The following EPHB3 variants were observed in gnomAD, a reference collection of about 807,000 sequenced individuals.
The protein encoded by EPHB3 is EPH receptor B3.
A neutral mutation model predicts 100.2 loss-of-function variants in EPHB3; 33 were observed. That is an observed-to-expected ratio of 0.33 (90% CI 0.25 to 0.44). The LOEUF (loss-of-function observed/expected upper bound fraction) is 0.44. EPHB3 is among the 20% of genes least tolerant of loss of function. The pLI is 1.00. For synonymous variants in EPHB3, 526 were observed against 554.7 expected (o/e 0.95, Z 0.73); for missense variants, 1,045 against 1,378.3 (o/e 0.76, Z 3.83).
Position 184,580,868 on chromosome 3 carries a change from G to A in EPHB3, c.2528G>A (p.Ser843Asn). ...GGAGAGCGACCCTACTGGGACATGA[G>A]CAACCAGGATGTGAGTGAGGCTACG... Reference protein sequence around the residue: ...SYGERPYWDMSNQDVINAVEQ... With the variant: ...SYGERPYWDMNNQDVINAVEQ... The change falls in exon 13 of 16, where the codon AGC becomes AAC. Residue 843 changes from serine (S) to asparagine (N), a missense_variant. By Grantham distance (46) the Ser-to-Asn change is conservative. Around this residue, in one of 2 missense-constraint regions of EPHB3, gnomAD observed 985 missense variants for 1,331.1 expected, o/e 0.74. Coordinates refer to ENST00000330394, the MANE Select transcript of EPHB3 (RefSeq NM_004443.4). The A allele has an allele frequency of 1.2e-6, 2 of 1,613,964 alleles. No homozygotes were observed. Among genetic ancestry groups the A allele is most frequent in the Admixed American group, 1.7e-5 (1 of 60,030 alleles).
chr3:184,567,982 C>T (rs1714435540), intron 1 of EPHB3, among the ~76,000 whole-genome samples: 1 of 152,170 alleles, frequency 6.6e-6, no homozygotes, highest in Admixed American at 6.5e-5. Flanking sequence ...CAGACCATGG[C>T]TCTGTGTGAA....
At chr3:184,574,720 C>T (rs1714630730) in intron 3 of EPHB3, among the ~76,000 whole-genome samples, 1 of 152,176 alleles carries the variant, frequency 6.6e-6, no homozygotes, top group Non-Finnish European at 1.5e-5. Context: ...ATTTCCTCTT[C>T]CTAAGTGGAG....
rs199964100 is a variant in EPHB3, at chr3:184,580,684, G to T, written c.2389-45G>T. The T allele has an allele frequency of 2.2e-5, 35 of 1,609,594 alleles. No individual in the cohort carries two copies. The Middle Eastern group carries it at 6.6e-4, about 30-fold the overall frequency. On this transcript the variant is annotated intron_variant, in intron 12 of 15. Coordinates refer to ENST00000330394, the MANE Select transcript of EPHB3 (RefSeq NM_004443.4). Reference sequence around the variant, plus strand: ...TCAGCCAGGGGCTCGGGCCTGGGGGGCAGCCCGGAGTCACAGGGTGAAGGG... The same window carrying T: ...TCAGCCAGGGGCTCGGGCCTGGGGGTCAGCCCGGAGTCACAGGGTGAAGGG...
In EPHB3 at chr3:184,578,143, C is replaced by T; in HGVS notation, c.1748+137C>T. ...TTAGCCCTCCTGGGGCCAGCCGTTG[C>T]TGGAGAAGCCCTCTCCCATCCCTGC... On this transcript the variant is annotated intron_variant, in intron 8 of 15. Transcript: ENST00000330394. The surrounding 1 kb of genome is among the most constrained non-coding windows in gnomAD (Gnocchi z 4.7). 4.1e-6 allele frequency: 4 copies of T among 984,546 alleles called. No homozygotes were observed. The highest frequency in any genetic ancestry group is 5.9e-6 in the Non-Finnish European group (4 of 680,292). 61.0% of individuals were successfully genotyped at this position (984,546 alleles called of 1,614,324 possible). A position where few individuals can be genotyped will look rare whatever the true frequency, so the allele number is the denominator to read the frequency against.
At position 184,569,118 on chromosome 3, in the gene EPHB3, G is replaced by C. The variant is rs1205102820; in HGVS notation, c.119-2200G>C. On this transcript the variant is annotated intron_variant, in intron 1 of 15. Transcript: ENST00000330394. This position sits in a 1 kb window ranked among gnomAD's most constrained non-coding sequence, Gnocchi z 5.4. ...AGATGGGTTTGGCACAGGCTGAGCA[G>C]AAGGAAGTGAGGGAGAGGGAGGAGG... 6.6e-6 allele frequency among the ~76,000 whole-genome samples: 1 copy of C among 152,210 alleles called. No individual in the cohort carries two copies. The highest frequency in any genetic ancestry group is 2.4e-5 in the African/African-American group (1 of 41,454).
Position 184,565,162 on chromosome 3 carries a change from C to T in EPHB3, c.118+2809C>T, listed in dbSNP as rs758485526. Among the ~76,000 whole-genome samples, 13 of 152,088 alleles carry T rather than the reference C, an allele frequency of 8.5e-5. No homozygotes were observed. Among genetic ancestry groups the T allele is most frequent in the Non-Finnish European group, 1.8e-4 (12 of 68,012 alleles). On this transcript the variant is annotated intron_variant, in intron 1 of 15. Transcript: ENST00000330394. The surrounding 1 kb of genome is among the most constrained non-coding windows in gnomAD (Gnocchi z 4.8). ...GGATGGAGCCTGGGTCCTTGCTTGT[C>T]CTCGTGGTTGAAAACATGCCCTCCC...
Position 184,579,932 on chromosome 3 carries a change from C to T in EPHB3, c.2170C>T (p.Arg724Trp), listed in dbSNP as rs371378866. Reference protein sequence around the residue: ...MENCALDSFLRLNDGQFTVIQ... With the variant: ...MENCALDSFLWLNDGQFTVIQ... Reference sequence around the variant, plus strand: ...AAACTGCGCCCTGGACTCCTTCCTCCGGGTAAGAGCCAGCCCCCAGGCCCT... The same window carrying T: ...AAACTGCGCCCTGGACTCCTTCCTCTGGGTAAGAGCCAGCCCCCAGGCCCT... The change falls in exon 11 of 16, where the codon CGG becomes TGG. Residue 724 changes from arginine to tryptophan, a missense_variant and splice_region_variant. Arg to Trp is a moderately radical substitution (Grantham distance 101). Coordinates refer to ENST00000330394, the MANE Select transcript of EPHB3 (RefSeq NM_004443.4). This position sits in a 1 kb window ranked among gnomAD's most constrained non-coding sequence, Gnocchi z 5.2. The T allele has an allele frequency of 2.4e-5, 39 of 1,612,518 alleles. No homozygotes were observed. The highest frequency in any genetic ancestry group is 5.0e-5 in the Admixed American group (3 of 59,928).
In EPHB3 at chr3:184,581,365, G is replaced by T; in HGVS notation, c.2845G>T (p.Ala949Ser). ...MGRYKESFVSAGFASFDLVAQ... is the reference protein window; with the variant it reads ...MGRYKESFVSSGFASFDLVAQ... Reference sequence around the variant, plus strand: ...GCGGTACAAGGAGAGCTTCGTCAGTGCGGGGTTTGCATCTTTTGACCTGGT... The same window carrying T: ...GCGGTACAAGGAGAGCTTCGTCAGTTCGGGGTTTGCATCTTTTGACCTGGT... The change falls in exon 15 of 16, where the codon GCG (alanine) becomes TCG (serine). Residue 949 changes from alanine (A) to serine (S), a missense_variant. Ala to Ser is a moderately conservative substitution (Grantham distance 99). Around this residue, in one of 2 missense-constraint regions of EPHB3, gnomAD observed 985 missense variants for 1,331.1 expected, o/e 0.74. Transcript: ENST00000330394. 2 of 1,605,104 alleles carry T rather than the reference G, an allele frequency of 1.2e-6. No individual in the cohort carries two copies. The highest frequency in any genetic ancestry group is 2.7e-5 in the African/African-American group (2 of 74,876).
Position 184,581,512 on chromosome 3 carries a change from A to C in EPHB3, c.2889-2A>C. ...CTGATCCTAATTTGGCTCCACCTGC[A>C]GAGACCTGCTCCGTATTGGGGTCAC... is the stretch of plus-strand genomic sequence containing the variant. On this transcript the variant is annotated splice_acceptor_variant, in intron 15 of 15. Coordinates refer to ENST00000330394, the MANE Select transcript of EPHB3 (RefSeq NM_004443.4). LOFTEE classifies it high-confidence loss of function. 6.2e-7 allele frequency: 1 copy of C among 1,612,664 alleles called. No individual in the cohort carries two copies. The highest frequency in any genetic ancestry group is 8.5e-7 in the Non-Finnish European group (1 of 1,179,298).
intron 1 of EPHB3, among the ~76,000 whole-genome samples, chr3:184,566,986 G>A (rs955612331): frequency 6.6e-6 from 1 of 152,136 alleles, no homozygotes; most frequent in African/African-American, 2.4e-5. Flanking sequence ...CACAGGCCAG[G>A]GTGCCCATGA....
Position 184,576,849 on chromosome 3 carries a change from A to G in EPHB3, c.1020A>G (p.Pro340=), listed in dbSNP as rs1301198206. 3.9e-6 allele frequency: 6 copies of G among 1,542,824 alleles called. No individual in the cohort carries two copies. The highest frequency in any genetic ancestry group is 1.4e-5 in the African/African-American group (1 of 73,260). The change falls in exon 5 of 16, where the codon CCA becomes CCG. Residue 340 remains proline (P), a synonymous_variant. Transcript: ENST00000330394. ...DSADSACTTV[P]SPPRGVISNV... Reference sequence around the variant, plus strand: ...CCTCCATATTCCTCACAGCCGTGCCATCTCCACCCCGAGGTGTGATCTCCA... The same window carrying G: ...CCTCCATATTCCTCACAGCCGTGCCGTCTCCACCCCGAGGTGTGATCTCCA...
At position 184,571,199 on chromosome 3, in the gene EPHB3, C is replaced by T; in HGVS notation, c.119-119C>T. ...AAACTCCTGACCTCAAGTGATCCAC[C>T]TGCCTCAGACTCCCAAAGTGCTGGG... On this transcript the variant is annotated intron_variant, in intron 1 of 15. Coordinates refer to ENST00000330394, the MANE Select transcript of EPHB3 (RefSeq NM_004443.4). This position sits in a 1 kb window ranked among gnomAD's most constrained non-coding sequence, Gnocchi z 5.0. 1.1e-6 allele frequency: 1 copy of T among 909,946 alleles called. No homozygotes were observed. The highest frequency in any genetic ancestry group is 1.8e-6 in the Non-Finnish European group (1 of 563,068). The allele number at this position is 909,946 out of a possible 1,614,324, so 56.4% of individuals were successfully genotyped here.
Position 184,572,387 on chromosome 3 carries a change from C to G in EPHB3, c.184-117C>G. The stretch of plus-strand genomic sequence containing the variant: ...TTTGAGCCCATATAGCCTGTATGCT[C>G]AGCCACTGCACACCATAGAAGCATC... On this transcript the variant is annotated intron_variant, in intron 2 of 15. Transcript: ENST00000330394. The surrounding 1 kb of genome is among the most constrained non-coding windows in gnomAD (Gnocchi z 6.6). The G allele has an allele frequency of 1.7e-6, 2 of 1,186,010 alleles. No homozygotes were observed. The highest frequency in any genetic ancestry group is 2.2e-6 in the Non-Finnish European group (2 of 899,388). 73.5% of individuals were successfully genotyped at this position (1,186,010 alleles called of 1,614,324 possible).
chr3:184,566,055 G>A (rs1432335311), intron 1 of EPHB3, among the ~76,000 whole-genome samples: 1 of 152,204 alleles, frequency 6.6e-6, no homozygotes, highest in Non-Finnish European at 1.5e-5. Context: ...AGGGAGACTG[G>A]ATACAGCTGG....
chr3:184,577,572 G>A lies in EPHB3; in HGVS notation c.1480-86G>A. The stretch of plus-strand genomic sequence containing the variant: ...TGGGAGCAAGGCCTTGGGTATGGAG[G>A]GGGCATGTGGCAGGCCTGGGTGTGA... On this transcript the variant is annotated intron_variant, in intron 6 of 15. Coordinates refer to ENST00000330394, the MANE Select transcript of EPHB3 (RefSeq NM_004443.4). This position sits in a 1 kb window ranked among gnomAD's most constrained non-coding sequence, Gnocchi z 4.9. The A allele has an allele frequency of 6.3e-7, 1 of 1,576,852 alleles. No homozygotes were observed. Among genetic ancestry groups the A allele is most frequent in the Non-Finnish European group, 8.6e-7 (1 of 1,159,248 alleles).
rs1009677620 is a variant in EPHB3 at position 184,562,988 on chromosome 3, T to C, written c.118+635T>C. Among the ~76,000 whole-genome samples, 4 of 152,210 alleles carry C rather than the reference T, an allele frequency of 2.6e-5. No homozygotes were observed. Among genetic ancestry groups the C allele is most frequent in the Non-Finnish European group, 5.9e-5 (4 of 68,028 alleles). On this transcript the variant is annotated intron_variant, in intron 1 of 15. Coordinates refer to ENST00000330394, the MANE Select transcript of EPHB3 (RefSeq NM_004443.4). The surrounding 1 kb of genome is among the most constrained non-coding windows in gnomAD (Gnocchi z 4.8). Reference sequence around the variant, plus strand: ...GCTAGAGCAGGGCTTGGGTCTCCATTTGAACCCCTGAAGTTGCGGGATTTG... The same window carrying C: ...GCTAGAGCAGGGCTTGGGTCTCCATCTGAACCCCTGAAGTTGCGGGATTTG...
In EPHB3 at chr3:184,578,356, G is replaced by T; in HGVS notation, c.1749-58G>T. On this transcript the variant is annotated intron_variant, in intron 8 of 15. Coordinates refer to ENST00000330394, the MANE Select transcript of EPHB3 (RefSeq NM_004443.4). This position sits in a 1 kb window ranked among gnomAD's most constrained non-coding sequence, Gnocchi z 4.7. ...CCTTCTGTGAGCCCAAGGGTGCCCT[G>T]AACAAAGGGAGGCAGATGACTTGTC... The T allele has an allele frequency of 6.2e-7, 1 of 1,612,310 alleles. No homozygotes were observed. Among genetic ancestry groups the T allele is most frequent in the South Asian group, 1.1e-5 (1 of 90,982 alleles).
At chr3:184,575,107 C>G in intron 3 of EPHB3, 1 of 977,208 alleles carries the variant, frequency 1.0e-6, no homozygotes, top group Non-Finnish European at 1.2e-6. Context: ...AGGCTACCAT[C>G]AATCCACAGA....
Position 184,562,330 on chromosome 3 carries a change from C to T in EPHB3, c.95C>T (p.Pro32Leu). 8.0e-7 allele frequency: 1 copy of T among 1,242,890 alleles called. No homozygotes were observed. The highest frequency in any genetic ancestry group is 1.0e-6 in the Non-Finnish European group (1 of 994,204). The allele number at this position is 1,242,890 out of a possible 1,614,324, so 77.0% of individuals were successfully genotyped here. A position where few individuals can be genotyped will look rare whatever the true frequency, so the allele number is the denominator to read the frequency against. ...PLLLLPLLLL[P>L]AGCRALEETL... ...CTGCTGCTGCCGCTGCTGCTGCTGC[C>T]CGCCGGCTGCCGGGCGCTGGAAGGT... The change falls in exon 1 of 16, where the codon CCC (proline) becomes CTC (leucine). Residue 32 changes from proline to leucine, a missense_variant. Physicochemically the swap from Pro to Leu is moderately conservative, Grantham distance 98 (BLOSUM62 -3). This residue lies in a region of EPHB3 where 60 missense variants were observed against 47.2 expected (regional missense o/e 1.27). Transcript: ENST00000330394. The surrounding 1 kb of genome is among the most constrained non-coding windows in gnomAD (Gnocchi z 4.8).
Sources: allele counts gnomAD v4.1 joint callset (sites outside exome capture counted in the v4.1 genomes callset), GRCh38; gene constraint gnomAD v4.1.1; regional missense constraint gnomAD v4.1.1; non-coding constraint Gnocchi (gnomAD v3.1); transcripts MANE v1.5; gene names NCBI Gene and HGNC (gene_info 2026-07-23, HGNC 2026-07-21).